FBXO36: variants seen among roughly 807,000 people sequenced by gnomAD.
FBXO36 encodes F-box protein 36.
Under a neutral mutation model 17.0 loss-of-function variants are expected in FBXO36, and 18 were observed. That is an observed-to-expected ratio of 1.06 (90% CI 0.73 to 1.57). FBXO36 has a LOEUF of 1.57. FBXO36 is among the 40% of genes most tolerant of loss of function. The probability of loss-of-function intolerance (pLI) is 0.00; values close to 1 mark genes in which losing one functional copy is unlikely to be tolerated. For missense variants in FBXO36, 229 were observed against 221.9 expected (o/e 1.03, Z -0.20); for synonymous variants, 83 against 85.3 (o/e 0.97, Z 0.15).
chr2:230,007,394 A>AT (rs931865733), intron 3 of FBXO36, among the ~76,000 whole-genome samples: 8 of 152,086 alleles, frequency 5.3e-5, no homozygotes, highest in Admixed American at 2.6e-4. Flanking sequence ...GGAGAGAGAG[A>AT]TTTTTTCCTC....
At chr2:229,985,307 C>T (rs2077262446) in intron 2 of FBXO36, among the ~76,000 whole-genome samples, 1 of 151,946 alleles carries the variant, frequency 6.6e-6, no homozygotes, top group Non-Finnish European at 1.5e-5. Flanking sequence ...CACAAATTGC[C>T]CTCCAAAAAA....
chr2:229,959,814 C>G (rs1037781722), intron 1 of FBXO36, among the ~76,000 whole-genome samples: 1 of 151,800 alleles, frequency 6.6e-6, no homozygotes, highest in African/African-American at 2.4e-5. Flanking sequence ...CCACTGCACT[C>G]CAGCCTAGGC....
chr2:229,980,169 C>A (rs1463873151), intron 2 of FBXO36, among the ~76,000 whole-genome samples: 1 of 151,992 alleles, frequency 6.6e-6, no homozygotes, highest in Non-Finnish European at 1.5e-5. Flanking sequence ...TGCCACAGAG[C>A]CCCCGCCCCT....
chr2:229,981,912 G>A (rs2077242474), intron 2 of FBXO36, among the ~76,000 whole-genome samples: 1 of 152,148 alleles, frequency 6.6e-6, no homozygotes, highest in Non-Finnish European at 1.5e-5. Context: ...GAGGCCCCAA[G>A]AAGCTTCCAG....
chr2:229,991,870 T>C (rs1339429286), intron 2 of FBXO36, among the ~76,000 whole-genome samples: 1 of 152,170 alleles, frequency 6.6e-6, no homozygotes, highest in Non-Finnish European at 1.5e-5. Flanking sequence ...GTAGCCACCT[T>C]TCCCCATCTC....
intron 2 of FBXO36, among the ~76,000 whole-genome samples, chr2:229,995,354 G>T (rs1208438596): frequency 6.6e-6 from 1 of 152,076 alleles, no homozygotes; most frequent in Non-Finnish European, 1.5e-5. Context: ...ATAGGCCATT[G>T]ATTGGTTGAT....
intron 2 of FBXO36, among the ~76,000 whole-genome samples, chr2:229,995,093 G>C (rs2077318192): frequency 6.6e-6 from 1 of 151,776 alleles, no homozygotes; most frequent in Admixed American, 6.6e-5. Context: ...CAGCCTGGGT[G>C]ACAGAGCAAG....
intron 1 of FBXO36, among the ~76,000 whole-genome samples, chr2:229,954,234 A>ATTTTTTTTTGTT (rs2077072454): frequency 1.4e-5 from 1 of 71,378 alleles, no homozygotes; most frequent in Non-Finnish European, 2.6e-5. Flanking sequence ...AACCCTTTGG[A>ATTTTTTTTTGTT]TTTTTTTTTT....
chr2:229,990,480 A>G (rs1428296228), intron 2 of FBXO36, among the ~76,000 whole-genome samples: 1 of 152,016 alleles, frequency 6.6e-6, no homozygotes, highest in Admixed American at 6.6e-5. Context: ...ATATGAAATA[A>G]TTTCTATACT....
At chr2:229,922,700 C>A (rs1326446812) in intron 1 of FBXO36, 91 bp downstream of exon 1, 2 of 1,335,762 alleles carry the variant, frequency 1.5e-6, no homozygotes, top group Non-Finnish European at 2.1e-6. Context: ...CCAAGAGCAA[C>A]CGTAGCCCGC....
intron 1 of FBXO36, among the ~76,000 whole-genome samples, chr2:229,949,663 C>A (rs1373640645): frequency 1.3e-5 from 2 of 152,140 alleles, no homozygotes; most frequent in Non-Finnish European, 1.5e-5. Context: ...TGGTGGCTCA[C>A]ACCTGTAATC....
chr2:229,949,363 C>A (rs1278146062), intron 1 of FBXO36, among the ~76,000 whole-genome samples: 1 of 152,000 alleles, frequency 6.6e-6, no homozygotes, highest in African/African-American at 2.4e-5. Context: ...AAATAAAAGT[C>A]CTTCAAAGAA....
rs1359952112 is a variant in FBXO36, at chr2:230,011,297, C to T, written c.*413C>T. ...TTTCCTGGCATTGTGTCGTCTGCGT[C>T]CAGCCATGAAGCTGGTGGCTGAGTG... On this transcript the variant is annotated 3_prime_UTR_variant, in exon 4 of 4. Coordinates refer to ENST00000283946, the MANE Select transcript of FBXO36 (RefSeq NM_174899.5). The T allele has an allele frequency of 6.4e-6, 1 of 155,238 alleles. No individual in the cohort carries two copies. Among genetic ancestry groups the T allele is most frequent in the African/African-American group, 2.4e-5 (1 of 41,480 alleles). The allele number at this position is 155,238 out of a possible 1,614,324, so 9.6% of individuals were successfully genotyped here.
intron 3 of FBXO36, among the ~76,000 whole-genome samples, chr2:229,999,271 C>A (rs552638690): frequency 6.6e-6 from 1 of 151,044 alleles, no homozygotes; most frequent in South Asian, 2.1e-4. Flanking sequence ...GGATTACAGG[C>A]ACCCACCATC....
chr2:229,995,855 G>T (rs1247354674), intron 2 of FBXO36, among the ~76,000 whole-genome samples: 2 of 151,364 alleles, frequency 1.3e-5, no homozygotes, highest in Non-Finnish European at 2.9e-5. Flanking sequence ...GCTGCCCAAA[G>T]TGCTGGGATT....
chr2:229,953,717 GGA>G (rs1442625744), intron 1 of FBXO36, among the ~76,000 whole-genome samples: 6 of 151,806 alleles, frequency 4.0e-5, no homozygotes, highest in South Asian at 2.1e-4. Context: ...AAGAGGGGAA[GGA>G]GAGAGGAGGG....
intron 3 of FBXO36, among the ~76,000 whole-genome samples, chr2:229,999,695 A>T (rs949530213): frequency 6.6e-6 from 1 of 151,684 alleles, no homozygotes; most frequent in Non-Finnish European, 1.5e-5. Flanking sequence ...ATATGTATAT[A>T]TATGTATTTT....
intron 3 of FBXO36, among the ~76,000 whole-genome samples, chr2:229,999,499 G>GTA (rs201480766): frequency 0.025 from 3,451 of 139,768 alleles, 98 homozygotes; most frequent in African/African-American, 0.072. Flanking sequence ...ATATATATAT[G>GTA]TATATATATA....
chr2:230,010,661 T>A, intron 3 of FBXO36, 35 bp from the exon 4 acceptor site: 1 of 1,570,360 alleles, frequency 6.4e-7, no homozygotes, highest in Non-Finnish European at 8.7e-7. Flanking sequence ...AACACATGTG[T>A]GCTGTAACCC....
Sources: gnomAD v4.1 joint callset for allele counts (sites outside exome capture counted in the v4.1 genomes callset) on GRCh38, gnomAD v4.1.1 for gene constraint, MANE v1.5 for transcripts, NCBI Gene and HGNC (gene_info 2026-07-23, HGNC 2026-07-21) for gene names.